Variants in LRRTM4 observed in about 807,000 individuals in gnomAD.
The protein encoded by LRRTM4 is leucine rich repeat transmembrane neuronal 4, also known as leucine-rich repeat transmembrane neuronal protein 4.
LRRTM4 carries 25 observed loss-of-function variants against 47.6 expected under a neutral mutation model. The observed-to-expected ratio is 0.53, with a 90% CI of 0.38 to 0.73. The LOEUF (loss-of-function observed/expected upper bound fraction) is 0.73, where lower values mean the gene tolerates loss of function less well. Ranked by LOEUF, LRRTM4 falls within the 30% of genes least tolerant of loss-of-function variation. The pLI, the probability that LRRTM4 is intolerant of heterozygous loss-of-function variation, is 0.00. For missense variants in LRRTM4, 638 were observed against 713.4 expected, an observed-to-expected ratio of 0.89 and a Z score of 1.20; for synonymous variants, 311 against 269.5, an observed-to-expected ratio of 1.15 and a Z score of -1.51.
At chr2:76,985,321 G>C (rs1308418591) in intron 3 of LRRTM4, among the ~76,000 whole-genome samples, 1 of 152,012 alleles carries the variant, frequency 6.6e-6, no homozygotes, top group East Asian at 1.9e-4. Flanking sequence ...TTCCTTAAAA[G>C]TAAATTGAGA....
intron 3 of LRRTM4, among the ~76,000 whole-genome samples, chr2:76,958,909 C>A (rs989481604): frequency 2.0e-5 from 3 of 151,692 alleles, no homozygotes; most frequent in African/African-American, 7.3e-5. Context: ...GACTAGTTTT[C>A]CAGGCTTGTT....
In LRRTM4 at chr2:76,747,952, CAGTG is replaced by C. The variant is rs970691268; in HGVS notation, c.*739_*742del. 2.6e-5 allele frequency: 4 copies of C among 152,204 alleles called. No homozygotes were observed. In the East Asian group the frequency reaches 5.8e-4, roughly 22 times the overall value. 9.4% of individuals were successfully genotyped at this position (152,204 alleles called of 1,614,324 possible). A position where few individuals can be genotyped will look rare whatever the true frequency, so the allele number is the denominator to read the frequency against. On this transcript the variant is annotated 3_prime_UTR_variant, in exon 4 of 4. Transcript: ENST00000409884. The stretch of plus-strand genomic sequence containing the variant: ...TCATGGCTCTCTCAGGCATCCTACA[CAGTG>C]AGGGCTGCCAATGGGACAAAACAAA...
intron 3 of LRRTM4, among the ~76,000 whole-genome samples, chr2:77,400,757 C>T (rs1673919095): frequency 6.6e-6 from 1 of 151,792 alleles, no homozygotes; most frequent in African/African-American, 2.4e-5. Flanking sequence ...CTTCCTGATC[C>T]TAGAACACAG....
intron 3 of LRRTM4, among the ~76,000 whole-genome samples, chr2:77,293,874 A>G (rs1426628973): frequency 1.3e-5 from 2 of 152,148 alleles, no homozygotes; most frequent in Non-Finnish European, 2.9e-5. Flanking sequence ...TTATCAGCCT[A>G]TGGTCCCTGA....
intron 3 of LRRTM4, among the ~76,000 whole-genome samples, chr2:77,105,017 G>C (rs1452563792): frequency 2.0e-5 from 3 of 151,470 alleles, no homozygotes; most frequent in Non-Finnish European, 4.4e-5. Flanking sequence ...AATAACGTTT[G>C]AGAATTCTTC....
At chr2:77,501,342 A>C (rs898031667) in intron 3 of LRRTM4, among the ~76,000 whole-genome samples, 3 of 150,882 alleles carry the variant, frequency 2.0e-5, no homozygotes, top group South Asian at 2.1e-4. Context: ...ATGAATACAT[A>C]GTCCATACGC....
At chr2:77,261,500 T>G (rs1462408921) in intron 3 of LRRTM4, among the ~76,000 whole-genome samples, 1 of 152,062 alleles carries the variant, frequency 6.6e-6, no homozygotes, top group Non-Finnish European at 1.5e-5. Context: ...AATAAGAAGA[T>G]TCCCCTAGTG....
intron 3 of LRRTM4, among the ~76,000 whole-genome samples, chr2:77,371,395 C>T (rs1672650710): frequency 6.6e-6 from 1 of 151,726 alleles, no homozygotes; most frequent in East Asian, 1.9e-4. Context: ...GCTACTTTTA[C>T]CATTCCCTTC....
chr2:77,254,415 C>G (rs971551884), intron 3 of LRRTM4, among the ~76,000 whole-genome samples: 3 of 151,566 alleles, frequency 2.0e-5, no homozygotes, highest in Non-Finnish European at 4.4e-5. Context: ...CCAAACTTAC[C>G]CTAAAAGAAC....
chr2:76,788,129 C>G (rs1674778559), intron 3 of LRRTM4, among the ~76,000 whole-genome samples: 2 of 152,102 alleles, frequency 1.3e-5, no homozygotes, highest in South Asian at 4.1e-4. Flanking sequence ...CATGATTAAA[C>G]TGAAGAAGGT....
chr2:76,753,996 T>A (rs1057129689), intron 3 of LRRTM4, among the ~76,000 whole-genome samples: 7 of 152,146 alleles, frequency 4.6e-5, no homozygotes, highest in African/African-American at 1.7e-4. Context: ...TTGTTCACAT[T>A]TCAGCATGAG....
intron 1 of LRRTM4, 135 bp downstream of exon 1, chr2:77,521,974 T>C (rs1679532893): frequency 1.5e-6 from 1 of 647,734 alleles, no homozygotes; most frequent in Admixed American, 2.4e-5. Context: ...GCCTCTAGGC[T>C]CTGAGGACCA....
intron 3 of LRRTM4, among the ~76,000 whole-genome samples, chr2:77,515,166 C>T (rs990309594): frequency 3.3e-5 from 5 of 151,718 alleles, no homozygotes; most frequent in Non-Finnish European, 5.9e-5. Flanking sequence ...TGCTATAATT[C>T]ATATTAATTA....
At chr2:77,021,061 C>A (rs188686811) in intron 3 of LRRTM4, among the ~76,000 whole-genome samples, 1 of 152,146 alleles carries the variant, frequency 6.6e-6, no homozygotes, top group African/African-American at 2.4e-5. Flanking sequence ...CAATAAGAAG[C>A]CACTAAAGGA....
chr2:76,893,090 G>A (rs1367803109), intron 3 of LRRTM4, among the ~76,000 whole-genome samples: 1 of 149,068 alleles, frequency 6.7e-6, no homozygotes, highest in African/African-American at 2.5e-5. Context: ...AAAAGTTAAA[G>A]GAAACCTGAC....
At chr2:77,342,373 T>G (rs2104278200) in intron 3 of LRRTM4, among the ~76,000 whole-genome samples, 1 of 151,960 alleles carries the variant, frequency 6.6e-6, no homozygotes, top group East Asian at 1.9e-4. Flanking sequence ...GGAATATAAT[T>G]AACATCCTCC....
chr2:76,880,621 G>A (rs1672902295), intron 3 of LRRTM4, among the ~76,000 whole-genome samples: 2 of 152,054 alleles, frequency 1.3e-5, no homozygotes, highest in South Asian at 2.1e-4. Flanking sequence ...ATGCAAAACA[G>A]TATTGGAAGA....
At chr2:76,931,254 T>C (rs1426218108) in intron 3 of LRRTM4, among the ~76,000 whole-genome samples, 1 of 152,198 alleles carries the variant, frequency 6.6e-6, no homozygotes. Context: ...ACAGAAGTGA[T>C]TATTTACATT....
chr2:77,199,566 T>C (rs6735765), intron 3 of LRRTM4, among the ~76,000 whole-genome samples: 30,300 of 152,006 alleles, frequency 0.2, 5,841 homozygotes, highest in African/African-American at 0.5. Flanking sequence ...AGATGATCTC[T>C]AGATCTCACT....
Sources: gnomAD v4.1 joint callset for allele counts (sites outside exome capture counted in the v4.1 genomes callset) on GRCh38, gnomAD v4.1.1 for gene constraint, MANE v1.5 for transcripts, NCBI Gene and HGNC (gene_info 2026-07-23, HGNC 2026-07-21) for gene names.